Variants in KLRG1 observed in about 807,000 individuals in gnomAD.
KLRG1 encodes killer cell lectin like receptor G1.
Under a neutral mutation model 21.8 loss-of-function variants are expected in KLRG1, and 16 were observed. That is an observed-to-expected ratio of 0.73 (90% CI 0.50 to 1.11). The LOEUF is 1.11. Among genes scored for constraint, KLRG1 ranks in the 50% most tolerant of loss-of-function variants. KLRG1 has a pLI of 0.00. For synonymous variants in KLRG1, 69 were observed against 75.9 expected (o/e 0.91, Z 0.47); for missense variants, 173 against 218.3 (o/e 0.79, Z 1.31).
At chr12:9,060,319 G>T in the KLRG1 span, among the ~76,000 whole-genome samples, 1 of 150,476 alleles carries the variant, frequency 6.6e-6, no homozygotes, top group African/African-American at 2.4e-5. Context: ...ATCGCACCCG[G>T]CCCCAGCCCT....
At chr12:8,959,129 A>G (rs1158848440) in intron 1 of KLRG1, among the ~76,000 whole-genome samples, 1 of 152,184 alleles carries the variant, frequency 6.6e-6, no homozygotes, top group East Asian at 1.9e-4. Context: ...CATTCATAAA[A>G]CAAAGTTAAA....
chr12:9,158,346 C>T, the KLRG1 span: 24 of 1,558,928 alleles, frequency 1.5e-5, no homozygotes, highest in East Asian at 1.1e-4. Context: ...TTCCTTGTGC[C>T]TCCTTCCTCC....
the KLRG1 span, among the ~76,000 whole-genome samples, chr12:9,094,409 T>C: frequency 4.8e-5 from 7 of 145,586 alleles, no homozygotes; most frequent in South Asian, 4.3e-4. Context: ...TATATCTTAC[T>C]GATAAAGGAT....
At chr12:9,141,916 A>G in the KLRG1 span, among the ~76,000 whole-genome samples, 1 of 152,232 alleles carries the variant, frequency 6.6e-6, no homozygotes, top group South Asian at 2.1e-4. Context: ...AAAGCAGGCA[A>G]GTTGTACAGC....
intron 1 of KLRG1, among the ~76,000 whole-genome samples, chr12:8,966,818 A>T (rs202046353): frequency 0.073 from 10,754 of 146,936 alleles, 450 homozygotes; most frequent in East Asian, 0.22. Flanking sequence ...CATTTGACCC[A>T]GCCATCCCAT....
At chr12:8,981,987 C>T (rs1015517714) in intron 1 of KLRG1, among the ~76,000 whole-genome samples, 12 of 151,988 alleles carry the variant, frequency 7.9e-5, no homozygotes, top group African/African-American at 2.9e-4. Context: ...TGAAATGTAC[C>T]TCTTTATACT....
At chr12:9,159,209 G>A in the KLRG1 span, among the ~76,000 whole-genome samples, 1 of 152,058 alleles carries the variant, frequency 6.6e-6, no homozygotes, top group Non-Finnish European at 1.5e-5. Flanking sequence ...AACCTATAAT[G>A]TTCCCTTAGC....
chr12:9,089,876 A>C, the KLRG1 span: 1 of 1,538,816 alleles, frequency 6.5e-7, no homozygotes, highest in Non-Finnish European at 8.9e-7. Flanking sequence ...ATTATTGTGG[A>C]CTATATATTA....
At chr12:9,141,910 C>G in the KLRG1 span, among the ~76,000 whole-genome samples, 1 of 152,180 alleles carries the variant, frequency 6.6e-6, no homozygotes, top group Non-Finnish European at 1.5e-5. Flanking sequence ...AGCTGCAAAG[C>G]AGGCAAGTTG....
the KLRG1 span, chr12:9,110,328 GT>G: frequency 6.9e-7 from 1 of 1,445,742 alleles, no homozygotes; most frequent in Non-Finnish European, 9.3e-7. Flanking sequence ...ATGTATACTA[GT>G]GGAATCTGAA....
the KLRG1 span, among the ~76,000 whole-genome samples, chr12:9,210,773 C>A: frequency 6.6e-6 from 1 of 152,012 alleles, no homozygotes; most frequent in Non-Finnish European, 1.5e-5. Flanking sequence ...TTAGTTATTG[C>A]TAGTTTTAAA....
chr12:8,951,845 T>C (rs1592228663), intron 1 of KLRG1, among the ~76,000 whole-genome samples: 1 of 152,170 alleles, frequency 6.6e-6, no homozygotes, highest in South Asian at 2.1e-4. Flanking sequence ...ACTGTTCATG[T>C]TGGAAATGGG....
the KLRG1 span, among the ~76,000 whole-genome samples, chr12:9,207,780 T>TTACAAC: frequency 6.6e-6 from 1 of 152,206 alleles, no homozygotes; most frequent in African/African-American, 2.4e-5. Context: ...AATTATTGAG[T>TTACAAC]TGTACCAACT....
the KLRG1 span, chr12:9,109,894 C>T: frequency 6.2e-7 from 1 of 1,610,924 alleles, no homozygotes; most frequent in African/African-American, 1.3e-5. Flanking sequence ...AAAGGGTGCT[C>T]TGTCCTTCCA....
chr12:9,080,139 G>C, the KLRG1 span: 1 of 1,589,418 alleles, frequency 6.3e-7, no homozygotes, highest in African/African-American at 1.3e-5. Flanking sequence ...ACCACATTTG[G>C]TGGCAGTTTC....
At chr12:9,081,064 A>G in the KLRG1 span, among the ~76,000 whole-genome samples, 1 of 152,186 alleles carries the variant, frequency 6.6e-6, no homozygotes, top group East Asian at 1.9e-4. Flanking sequence ...AACTTTTGTA[A>G]AAAAACAGAT....
chr12:9,174,470 A>G, the KLRG1 span, among the ~76,000 whole-genome samples: 3 of 152,210 alleles, frequency 2.0e-5, no homozygotes, highest in Non-Finnish European at 4.4e-5. Context: ...ATTTCTGGCC[A>G]GGGCAATCAG....
chr12:8,984,003 T>C (rs1946802461), intron 1 of KLRG1, among the ~76,000 whole-genome samples: 1 of 152,188 alleles, frequency 6.6e-6, no homozygotes, highest in Admixed American at 6.5e-5. Flanking sequence ...TTTCATTATA[T>C]GTCCCCTTTA....
At chr12:9,144,365 A>T in the KLRG1 span, among the ~76,000 whole-genome samples, 1 of 152,060 alleles carries the variant, frequency 6.6e-6, no homozygotes. Flanking sequence ...TGTCCTGCTC[A>T]TGTAAATCAC....
Sources: gnomAD v4.1 joint callset for allele counts (sites outside exome capture counted in the v4.1 genomes callset) on GRCh38, gnomAD v4.1.1 for gene constraint, MANE v1.5 for transcripts, NCBI Gene and HGNC (gene_info 2026-07-23, HGNC 2026-07-21) for gene names.